Variants in SDHAF3 observed in about 807,000 individuals in gnomAD.
SDHAF3 encodes succinate dehydrogenase complex assembly factor 3.
Under a neutral mutation model 11.5 loss-of-function variants are expected in SDHAF3, and 18 were observed. The observed-to-expected ratio is 1.56, with a 90% CI of 1.08 to 2.32. The LOEUF (loss-of-function observed/expected upper bound fraction) is 2.32, where lower values mean the gene tolerates loss of function less well. SDHAF3 is among the 30% of genes most tolerant of loss of function. The probability of loss-of-function intolerance (pLI) is 0.00; values close to 1 mark genes in which losing one functional copy is unlikely to be tolerated. For synonymous variants in SDHAF3, 72 were observed against 59.3 expected, an observed-to-expected ratio of 1.21 and a Z score of -0.99; for missense variants, 200 against 154.4, an observed-to-expected ratio of 1.30 and a Z score of -1.57.
chr7:97,139,485 A>G (rs544580528), intron 1 of SDHAF3, among the ~76,000 whole-genome samples: 2 of 152,334 alleles, frequency 1.3e-5, no homozygotes, highest in African/African-American at 4.8e-5. Context: ...GGGTGTATAT[A>G]TGTAAAATAG....
At chr7:97,153,171 A>G (rs1358311119) in intron 1 of SDHAF3, among the ~76,000 whole-genome samples, 1 of 152,228 alleles carries the variant, frequency 6.6e-6, no homozygotes, top group Non-Finnish European at 1.5e-5. Flanking sequence ...GCAGTTGATT[A>G]GGTCATATCT....
intron 1 of SDHAF3, among the ~76,000 whole-genome samples, chr7:97,166,746 CG>C (rs75706400): frequency 1.3e-4 from 20 of 150,786 alleles, no homozygotes; most frequent in South Asian, 2.1e-4. Flanking sequence ...AGTTAGTTGG[CG>C]GGGGGGGCTT....
intron 1 of SDHAF3, among the ~76,000 whole-genome samples, chr7:97,169,607 C>T (rs1262313181): frequency 1.3e-5 from 2 of 151,870 alleles, no homozygotes; most frequent in African/African-American, 4.8e-5. Flanking sequence ...AATTTGAATG[C>T]ATCATGTCCT....
chr7:97,171,303 G>T (rs1789598855), intron 1 of SDHAF3, among the ~76,000 whole-genome samples: 1 of 151,954 alleles, frequency 6.6e-6, no homozygotes, highest in Non-Finnish European at 1.5e-5. Flanking sequence ...ATAATAATTG[G>T]CTTTCCTTTG....
chr7:97,131,996 ACTTTAT>A (rs1286044131), intron 1 of SDHAF3, among the ~76,000 whole-genome samples: 1 of 152,168 alleles, frequency 6.6e-6, no homozygotes, highest in South Asian at 2.1e-4. Flanking sequence ...TTACATATAA[ACTTTAT>A]CTTTGGATGA....
intron 1 of SDHAF3, chr7:97,135,208 C>G (rs534602287): frequency 1.3e-5 from 2 of 152,252 alleles, no homozygotes; most frequent in South Asian, 4.2e-4. Flanking sequence ...AGTAAGGGTA[C>G]TCTACATCAT....
At chr7:97,144,853 TA>T (rs1374606359) in intron 1 of SDHAF3, among the ~76,000 whole-genome samples, 2 of 152,178 alleles carry the variant, frequency 1.3e-5, no homozygotes, top group Non-Finnish European at 2.9e-5. Flanking sequence ...ATGATGGTGA[TA>T]TTTTGATGGG....
intron 1 of SDHAF3, among the ~76,000 whole-genome samples, chr7:97,161,584 GC>G (rs1789410017): frequency 6.6e-6 from 1 of 151,882 alleles, no homozygotes; most frequent in Non-Finnish European, 1.5e-5. Flanking sequence ...CCCTCCCCTA[GC>G]CCCCCTCACC....
intron 1 of SDHAF3, among the ~76,000 whole-genome samples, chr7:97,172,875 T>C (rs1395807971): frequency 6.6e-6 from 1 of 152,214 alleles, no homozygotes; most frequent in Admixed American, 6.5e-5. Context: ...AACTGGTAAA[T>C]CAAGGCTTTA....
chr7:97,124,234 A>G (rs189673517), intron 1 of SDHAF3, among the ~76,000 whole-genome samples: 1,575 of 152,254 alleles, frequency 0.01, 26 homozygotes, highest in African/African-American at 0.035. Context: ...TCCCAGCACC[A>G]TTTATTAAAT....
chr7:97,140,939 C>A (rs1314966568), intron 1 of SDHAF3, among the ~76,000 whole-genome samples: 1 of 134,656 alleles, frequency 7.4e-6, no homozygotes, highest in South Asian at 2.3e-4. Flanking sequence ...CCATATTTCT[C>A]TTCTTTCAAA....
At chr7:97,164,732 G>C (rs942193006) in intron 1 of SDHAF3, among the ~76,000 whole-genome samples, 6 of 152,032 alleles carry the variant, frequency 3.9e-5, no homozygotes, top group Admixed American at 3.9e-4. Flanking sequence ...CTTGAGTTGC[G>C]TGAATTCATC....
At chr7:97,173,942 A>T (rs1789643337) in intron 1 of SDHAF3, among the ~76,000 whole-genome samples, 1 of 147,890 alleles carries the variant, frequency 6.8e-6, no homozygotes, top group Non-Finnish European at 1.5e-5. Context: ...TTTTTTAAAG[A>T]CAGAGTCTTG....
intron 1 of SDHAF3, among the ~76,000 whole-genome samples, chr7:97,179,506 C>T (rs540492321): frequency 4.0e-5 from 6 of 150,084 alleles, no homozygotes; most frequent in Non-Finnish European, 5.9e-5. Context: ...TAACAATCAA[C>T]ATTCTTCTGC....
chr7:97,168,455 C>T (rs935036328), intron 1 of SDHAF3, among the ~76,000 whole-genome samples: 5 of 152,190 alleles, frequency 3.3e-5, no homozygotes, highest in Non-Finnish European at 5.9e-5. Context: ...AAACTAAATT[C>T]TCCCAAAGTT....
intron 1 of SDHAF3, among the ~76,000 whole-genome samples, chr7:97,145,976 T>G (rs1789127847): frequency 6.6e-6 from 1 of 152,090 alleles, no homozygotes; most frequent in Non-Finnish European, 1.5e-5. Context: ...CAATAAAATA[T>G]ATTTATAATA....
At chr7:97,163,910 AAGTTT>A (rs1230940535) in intron 1 of SDHAF3, among the ~76,000 whole-genome samples, 1 of 151,672 alleles carries the variant, frequency 6.6e-6, no homozygotes, top group African/African-American at 2.4e-5. Context: ...TCCACTTACG[AAGTTT>A]AGTTTGGCTG....
At chr7:97,166,998 A>G (rs1789515368) in intron 1 of SDHAF3, among the ~76,000 whole-genome samples, 1 of 151,870 alleles carries the variant, frequency 6.6e-6, no homozygotes, top group African/African-American at 2.4e-5. Flanking sequence ...TGATCTAGGC[A>G]CTTTCTTTCT....
At chr7:97,117,951 A>T in intron 1 of SDHAF3, 54 bp downstream of exon 1, 1 of 1,589,792 alleles carries the variant, frequency 6.3e-7, no homozygotes, top group South Asian at 1.1e-5. Flanking sequence ...CTCGGTGTCC[A>T]GGTTTCTAGT....
Sources: allele counts gnomAD v4.1 joint callset (sites outside exome capture counted in the v4.1 genomes callset), GRCh38; gene constraint gnomAD v4.1.1; transcripts MANE v1.5; gene names NCBI Gene and HGNC (gene_info 2026-07-23, HGNC 2026-07-21).